Variants in ADCY9 observed in about 807,000 individuals in gnomAD.
The protein encoded by ADCY9 is adenylate cyclase type 9.
A neutral mutation model predicts 101.5 loss-of-function variants in ADCY9; 50 were observed. The observed-to-expected ratio is 0.49, with a 90% CI of 0.39 to 0.62. The LOEUF (loss-of-function observed/expected upper bound fraction) is 0.62, where lower values mean the gene tolerates loss of function less well. Among genes scored for constraint, ADCY9 ranks in the 20% least tolerant of loss-of-function variants. The pLI is 0.00. For missense variants in ADCY9, 1,662 were observed against 1,800.4 expected, an observed-to-expected ratio of 0.92 and a Z score of 1.39; for synonymous variants, 905 against 769.3, an observed-to-expected ratio of 1.18 and a Z score of -2.92.
intron 2 of ADCY9, among the ~76,000 whole-genome samples, chr16:4,060,181 G>C (rs1421541988): frequency 6.6e-6 from 1 of 152,220 alleles, no homozygotes; most frequent in Non-Finnish European, 1.5e-5. Context: ...GCCACCCTGA[G>C]CCTGCAATGC....
In ADCY9 at chr16:3,963,939, G is replaced by A. The variant is rs1269744798; in HGVS notation, c.*1836C>T. 1.3e-5 allele frequency: 2 copies of A among 152,654 alleles called. No individual in the cohort carries two copies. Among genetic ancestry groups the A allele is most frequent in the African/African-American group, 2.4e-5 (1 of 41,462 alleles). 9.5% of individuals were successfully genotyped at this position (152,654 alleles called of 1,614,324 possible). A position where few individuals can be genotyped will look rare whatever the true frequency, so the allele number is the denominator to read the frequency against. ...TTCGGTATTGGAAGACCAGCAAACT[G>A]ACAGTCACACCTGACAGGAAACCTT... On this transcript the variant is annotated 3_prime_UTR_variant, in exon 11 of 11. Coordinates refer to ENST00000294016, the MANE Select transcript of ADCY9 (RefSeq NM_001116.4).
chr16:4,005,484 C>T (rs71388554), intron 3 of ADCY9, among the ~76,000 whole-genome samples: 8,066 of 152,308 alleles, frequency 0.053, 281 homozygotes, highest in Non-Finnish European at 0.084. Context: ...CCACCTCGGC[C>T]GCCCACAGCA....
intron 2 of ADCY9, among the ~76,000 whole-genome samples, chr16:4,047,719 G>A (rs185180537): frequency 1.1e-3 from 162 of 152,192 alleles, no homozygotes; most frequent in Middle Eastern, 6.8e-3. Flanking sequence ...CAGGTCCTTC[G>A]GTTGAAATCT....
intron 2 of ADCY9, among the ~76,000 whole-genome samples, chr16:4,013,028 G>C (rs917776082): frequency 1.3e-5 from 2 of 152,000 alleles, no homozygotes; most frequent in Non-Finnish European, 2.9e-5. Context: ...GCGGCAGGAG[G>C]ATCACTTGAG....
At chr16:4,111,298 T>A (rs926088397) in intron 2 of ADCY9, among the ~76,000 whole-genome samples, 3 of 152,108 alleles carry the variant, frequency 2.0e-5, no homozygotes, top group Non-Finnish European at 4.4e-5. Flanking sequence ...GTTGTTGTTG[T>A]TTTTTAAGAC....
At chr16:4,084,880 T>C (rs781430813) in intron 2 of ADCY9, among the ~76,000 whole-genome samples, 4 of 152,128 alleles carry the variant, frequency 2.6e-5, no homozygotes, top group Non-Finnish European at 5.9e-5. Context: ...AGTAACTACT[T>C]AACTTGCGCA....
intron 2 of ADCY9, among the ~76,000 whole-genome samples, chr16:4,019,437 G>A (rs947357081): frequency 2.6e-5 from 4 of 152,208 alleles, no homozygotes; most frequent in African/African-American, 4.8e-5. Flanking sequence ...TCCCATTGAA[G>A]TTGTGGACTC....
chr16:3,983,480 A>G (rs752027427), intron 6 of ADCY9, 40 bp from the exon 7 acceptor site: 131 of 1,543,430 alleles, frequency 8.5e-5, no homozygotes, highest in Non-Finnish European at 1.1e-4. Flanking sequence ...CTGGGAGGCC[A>G]TGGGCGGCCA....
At chr16:3,971,226 G>A (rs1238116386) in intron 10 of ADCY9, among the ~76,000 whole-genome samples, 2 of 152,032 alleles carry the variant, frequency 1.3e-5, no homozygotes, top group African/African-American at 4.8e-5. Context: ...ACTCACTGCT[G>A]GAGGAATTAA....
Position 4,107,719 on chromosome 16 carries a change from C to T in ADCY9, c.1693+6031G>A, listed in dbSNP as rs545530439. ...GGAAGGGGAACACCTGAGCATGCAA[C>T]TGAACCCCAAACCAACACCTGGCTA... On this transcript the variant is annotated intron_variant, in intron 2 of 10. Coordinates refer to ENST00000294016, the MANE Select transcript of ADCY9 (RefSeq NM_001116.4). Among the ~76,000 whole-genome samples, 5 of 152,232 alleles carry T rather than the reference C, an allele frequency of 3.3e-5. No homozygotes were observed. In the South Asian group the frequency reaches 1.0e-3, roughly 32 times the overall value.
intron 7 of ADCY9, among the ~76,000 whole-genome samples, chr16:3,980,189 CTT>C (rs1277805705): frequency 6.6e-6 from 1 of 152,234 alleles, no homozygotes; most frequent in East Asian, 1.9e-4. Flanking sequence ...TTTTAAAAGA[CTT>C]TGTCCTTCTA....
intron 2 of ADCY9, among the ~76,000 whole-genome samples, chr16:4,009,980 T>C (rs2056392817): frequency 6.6e-6 from 1 of 152,208 alleles, no homozygotes; most frequent in African/African-American, 2.4e-5. Context: ...ACAGCCAGTG[T>C]GACTGTGGAT....
chr16:4,113,901 C>A lies in ADCY9; in HGVS notation c.1542G>T (p.Val514=). 1 of 1,614,170 alleles carries A rather than the reference C, an allele frequency of 6.2e-7. No individual in the cohort carries two copies. Among genetic ancestry groups the A allele is most frequent in the African/African-American group, 1.3e-5 (1 of 75,048 alleles). The change falls in exon 2 of 11, where the codon GTG becomes GTT. Residue 514 remains valine (V), a synonymous_variant. Coordinates refer to ENST00000294016, the MANE Select transcript of ADCY9 (RefSeq NM_001116.4). Reference sequence around the variant, plus strand: ...GCTGCTCCATGAGATTGGCCAGGTTCACATCGTTGGACCACACGTCAAATT... The same window carrying A: ...GCTGCTCCATGAGATTGGCCAGGTTAACATCGTTGGACCACACGTCAAATT... ...RFKFDVWSND[V]NLANLMEQLG...
At chr16:4,089,662 C>T (rs2056961153) in intron 2 of ADCY9, among the ~76,000 whole-genome samples, 1 of 151,994 alleles carries the variant, frequency 6.6e-6, no homozygotes, top group South Asian at 2.1e-4. Context: ...CTGTCTTCTG[C>T]AGCAAGTGAA....
chr16:3,997,017 A>ACCACG (rs1597153966), intron 3 of ADCY9, among the ~76,000 whole-genome samples: 2 of 152,036 alleles, frequency 1.3e-5, no homozygotes, highest in East Asian at 3.9e-4. Flanking sequence ...GGCGCCCACC[A>ACCACG]CCACGCCTGG....
chr16:4,041,756 T>G (rs866660637), intron 2 of ADCY9, among the ~76,000 whole-genome samples: 24 of 129,114 alleles, frequency 1.9e-4, no homozygotes, highest in East Asian at 6.2e-4. Context: ...ATTTTTTTTG[T>G]TTTTTTTTTT....
At chr16:4,097,543 ATATATATATATTT>A (rs1346357948) in intron 2 of ADCY9, among the ~76,000 whole-genome samples, 2,129 of 52,356 alleles carry the variant, frequency 0.041, 130 homozygotes, top group African/African-American at 0.18. Flanking sequence ...ATATATATAT[ATATATATATATTT>A]TTTTTTTTTT....
chr16:3,970,708 T>A (rs901794162), intron 10 of ADCY9, among the ~76,000 whole-genome samples: 1 of 152,244 alleles, frequency 6.6e-6, no homozygotes. Context: ...GAGCTTGACC[T>A]GTGTGGCCAT....
intron 2 of ADCY9, among the ~76,000 whole-genome samples, chr16:4,040,135 G>C (rs1018198482): frequency 1.3e-5 from 2 of 152,124 alleles, no homozygotes; most frequent in African/African-American, 4.8e-5. Context: ...CATTCATCTA[G>C]GCTAAAATTT....
Sources: allele counts gnomAD v4.1 joint callset (sites outside exome capture counted in the v4.1 genomes callset), GRCh38; gene constraint gnomAD v4.1.1; transcripts MANE v1.5; gene names NCBI Gene and HGNC (gene_info 2026-07-23, HGNC 2026-07-21).